CTNND2: variants seen among roughly 807,000 people sequenced by gnomAD.
The protein encoded by CTNND2 is catenin delta 2.
In CTNND2, 22 loss-of-function variants were observed where a neutral mutation model predicts 144.4. That is an observed-to-expected ratio of 0.15 (90% confidence interval 0.11 to 0.22). CTNND2 has a LOEUF of 0.22. Among genes scored for constraint, CTNND2 ranks in the 10% least tolerant of loss-of-function variants. The pLI, the probability that CTNND2 is intolerant of heterozygous loss-of-function variation, is 1.00. For synonymous variants in CTNND2, 751 were observed against 695.6 expected (o/e 1.08, Z -1.25); for missense variants, 1,353 against 1,618.8 (o/e 0.84, Z 2.82).
At chr5:11,841,006 T>A (rs967391300) in intron 1 of CTNND2, among the ~76,000 whole-genome samples, 1 of 152,182 alleles carries the variant, frequency 6.6e-6, no homozygotes, top group African/African-American at 2.4e-5. Context: ...ATGCCAGGAA[T>A]ACATTTTCAT....
chr5:11,564,151 T>C (rs1391730500), intron 3 of CTNND2, among the ~76,000 whole-genome samples: 1 of 152,194 alleles, frequency 6.6e-6, no homozygotes, highest in Non-Finnish European at 1.5e-5. Context: ...CAAACTACTA[T>C]TGTGTTAAGT....
intron 15 of CTNND2, among the ~76,000 whole-genome samples, chr5:11,084,940 T>C (rs1408728875): frequency 6.6e-6 from 1 of 152,156 alleles, no homozygotes; most frequent in Non-Finnish European, 1.5e-5. Context: ...TCCCCTCTCC[T>C]TTAATCCTCC....
chr5:11,138,871 G>T (rs1756417321), intron 12 of CTNND2, among the ~76,000 whole-genome samples: 1 of 152,162 alleles, frequency 6.6e-6, no homozygotes, highest in African/African-American at 2.4e-5. Context: ...TCATGAGGAG[G>T]TTCCTTCCTG....
At chr5:11,668,036 G>A (rs955714289) in intron 2 of CTNND2, among the ~76,000 whole-genome samples, 4 of 152,138 alleles carry the variant, frequency 2.6e-5, no homozygotes, top group Admixed American at 2.6e-4. Flanking sequence ...TTTCCCCATT[G>A]CTTGATTTTG....
intron 2 of CTNND2, among the ~76,000 whole-genome samples, chr5:11,640,966 T>C (rs561645147): frequency 3.9e-5 from 6 of 152,250 alleles, no homozygotes; most frequent in Admixed American, 2.6e-4. Context: ...AGTATATCGT[T>C]CATTCCCCTA....
At chr5:11,265,690 T>C (rs1745360833) in intron 9 of CTNND2, among the ~76,000 whole-genome samples, 1 of 149,080 alleles carries the variant, frequency 6.7e-6, no homozygotes, top group Admixed American at 6.8e-5. Flanking sequence ...TCACTGTATG[T>C]ATTCTCTATT....
At chr5:11,360,663 G>A (rs556514717) in intron 8 of CTNND2, among the ~76,000 whole-genome samples, 3 of 152,282 alleles carry the variant, frequency 2.0e-5, no homozygotes, top group East Asian at 3.9e-4. Context: ...GAGCAGGAGA[G>A]TGAAGGGCAA....
At chr5:11,405,150 A>C (rs1214742908) in intron 5 of CTNND2, among the ~76,000 whole-genome samples, 1 of 152,112 alleles carries the variant, frequency 6.6e-6, no homozygotes, top group Non-Finnish European at 1.5e-5. Flanking sequence ...CAATGCCTTG[A>C]CAATTTCAAG....
At chr5:11,513,367 G>A (rs1333901045) in intron 3 of CTNND2, among the ~76,000 whole-genome samples, 1 of 152,168 alleles carries the variant, frequency 6.6e-6, no homozygotes, top group Non-Finnish European at 1.5e-5. Context: ...CTTGACAGCA[G>A]GGCCATTACT....
intron 16 of CTNND2, among the ~76,000 whole-genome samples, chr5:11,057,860 G>A (rs1746503548): frequency 6.6e-6 from 1 of 152,132 alleles, no homozygotes. Flanking sequence ...TGGAAATGAG[G>A]AACTTCTTGG....
chr5:11,302,092 T>C (rs570492037), intron 9 of CTNND2, among the ~76,000 whole-genome samples: 2 of 152,326 alleles, frequency 1.3e-5, no homozygotes, highest in African/African-American at 4.8e-5. Context: ...CCAAATTTGC[T>C]TTCCTTGACT....
At chr5:11,382,537 G>A (rs1410940329) in intron 7 of CTNND2, among the ~76,000 whole-genome samples, 2 of 151,600 alleles carry the variant, frequency 1.3e-5, no homozygotes, top group African/African-American at 2.4e-5. Flanking sequence ...GATGGATGTT[G>A]CAGTGAGCCG....
chr5:11,119,981 C>T (rs1753924122), intron 12 of CTNND2, among the ~76,000 whole-genome samples: 1 of 152,118 alleles, frequency 6.6e-6, no homozygotes, highest in South Asian at 2.1e-4. Context: ...TGCGCAGGAC[C>T]AACCAATAGG....
chr5:11,022,824 G>A lies in CTNND2; in HGVS notation c.2944C>T (p.Arg982Trp), dbSNP rs760214222. The change falls in exon 17 of 22, where the codon CGG (arginine) becomes TGG (tryptophan). Residue 982 changes from arginine to tryptophan, a missense_variant. By Grantham distance (101) the Arg-to-Trp change is moderately radical (BLOSUM62 -3). Transcript: ENST00000304623. Reference sequence around the variant, plus strand: ...AACTTCTCGATGCCACCGGCATCCCGTAAGGCCTTGGCGTTCTCCATGTTC... The same window carrying A: ...AACTTCTCGATGCCACCGGCATCCCATAAGGCCTTGGCGTTCTCCATGTTC... ...TKNMENAKAL[R>W]DAGGIEKLVG... is the part of the protein sequence containing the mutation. The A allele has an allele frequency of 1.2e-5, 19 of 1,614,084 alleles. No homozygotes were observed. Among genetic ancestry groups the A allele is most frequent in the Middle Eastern group, 1.6e-4 (1 of 6,080 alleles).
At chr5:11,530,628 G>A (rs1773668510) in intron 3 of CTNND2, among the ~76,000 whole-genome samples, 1 of 152,142 alleles carries the variant, frequency 6.6e-6, no homozygotes, top group African/African-American at 2.4e-5. Flanking sequence ...CCTCAGCACT[G>A]CACTCAAAAT....
chr5:11,120,647 C>A, intron 12 of CTNND2, among the ~76,000 whole-genome samples: 1 of 66,868 alleles, frequency 1.5e-5, no homozygotes, highest in African/African-American at 5.7e-5. Flanking sequence ...TACATATAGA[C>A]TTCAAGAGGG....
At chr5:11,699,042 C>A (rs1167558781) in intron 2 of CTNND2, among the ~76,000 whole-genome samples, 1 of 148,346 alleles carries the variant, frequency 6.7e-6, no homozygotes, top group Non-Finnish European at 1.5e-5. Flanking sequence ...ATATATATAT[C>A]ATATGTTCCC....
intron 3 of CTNND2, among the ~76,000 whole-genome samples, chr5:11,441,368 A>ATTT (rs774610481): frequency 1.0e-5 from 1 of 98,758 alleles, no homozygotes; most frequent in Non-Finnish European, 2.0e-5. Context: ...CCAATGTGGG[A>ATTT]TTTTTTTTTT....
chr5:11,892,680 T>C lies in CTNND2; in HGVS notation c.37+11137A>G, dbSNP rs549659438. Reference sequence around the variant, plus strand: ...CTTCGGAGTTAGACAGCACCTTCTTTGGGCCAGAGCTAAAAAAAAAAACCT... The same window carrying C: ...CTTCGGAGTTAGACAGCACCTTCTTCGGGCCAGAGCTAAAAAAAAAAACCT... On this transcript the variant is annotated intron_variant, in intron 1 of 21. Transcript: ENST00000304623. Among the ~76,000 whole-genome samples, 5 of 151,984 alleles carry C rather than the reference T, an allele frequency of 3.3e-5. No individual in the cohort carries two copies. In the South Asian group the frequency reaches 8.3e-4, roughly 25 times the overall value.
Sources: allele counts gnomAD v4.1 joint callset (sites outside exome capture counted in the v4.1 genomes callset), GRCh38; gene constraint gnomAD v4.1.1; transcripts MANE v1.5; gene names NCBI Gene and HGNC (gene_info 2026-07-23, HGNC 2026-07-21).